Variants in ERC2 observed in about 807,000 individuals in gnomAD.
ERC2 encodes ELKS/RAB6-interacting/CAST family member 2, also known as ERC protein 2.
In ERC2, 42 loss-of-function variants were observed where a neutral mutation model predicts 114.8. The observed-to-expected ratio is 0.37, with a 90% CI of 0.29 to 0.47. ERC2 has a LOEUF of 0.47. ERC2 is among the 20% of genes least tolerant of loss of function. ERC2 has a pLI of 0.99. For synonymous variants in ERC2, 454 were observed against 425.5 expected, an observed-to-expected ratio of 1.07 and a Z score of -0.82; for missense variants, 939 against 1,150.7, an observed-to-expected ratio of 0.82 and a Z score of 2.66.
intron 2 of ERC2, among the ~76,000 whole-genome samples, chr3:56,397,563 T>C (rs756116658): frequency 6.6e-6 from 1 of 152,164 alleles, no homozygotes; most frequent in Non-Finnish European, 1.5e-5. Flanking sequence ...CATACAAACA[T>C]AGTTAACAAC....
chr3:56,363,646 A>C (rs1406738739), intron 2 of ERC2, among the ~76,000 whole-genome samples: 1 of 152,216 alleles, frequency 6.6e-6, no homozygotes, highest in African/African-American at 2.4e-5. Flanking sequence ...CACTTTAAAT[A>C]GAAAAGTATT....
At chr3:55,537,768 G>T (rs1187975087) in intron 17 of ERC2, among the ~76,000 whole-genome samples, 1 of 150,140 alleles carries the variant, frequency 6.7e-6, no homozygotes. Context: ...ACTCTGCATG[G>T]AGGACACAGG....
At chr3:55,610,596 A>AAGGCTG (rs2058871790) in intron 17 of ERC2, 1 of 152,144 alleles carries the variant, frequency 6.6e-6, no homozygotes, top group Admixed American at 6.6e-5. Flanking sequence ...AACTATCCGG[A>AAGGCTG]AGGCTGAGGC....
At position 56,434,522 on chromosome 3, in the gene ERC2, G is replaced by T; in HGVS notation, c.486C>A (p.Asp162Glu). 4 of 1,613,978 alleles carry T rather than the reference G, an allele frequency of 2.5e-6. No individual in the cohort carries two copies. Among genetic ancestry groups the T allele is most frequent in the Non-Finnish European group, 2.5e-6 (3 of 1,179,884 alleles). The change falls in exon 2 of 18, where the codon GAC becomes GAA. Residue 162 changes from aspartate (D) to glutamate (E), a missense_variant. Physicochemically the swap from Asp to Glu is conservative, Grantham distance 45. Transcript: ENST00000288221. ...TGATGTCTAGCTCTTTCCGGAGGAG[G>T]TCATTCTCTCTCTGCAGTTCTTTCA... ...AQLKELQREN[D>E]LLRKELDIKD...
At chr3:56,214,327 C>A (rs13083226) in intron 3 of ERC2, among the ~76,000 whole-genome samples, 5,924 of 140,590 alleles carry the variant, frequency 0.042, 278 homozygotes, top group Admixed American at 0.076. Flanking sequence ...AACTACAGCA[C>A]GAGAACTACG....
At chr3:55,750,890 T>C (rs571022734) in intron 14 of ERC2, among the ~76,000 whole-genome samples, 1 of 152,348 alleles carries the variant, frequency 6.6e-6, no homozygotes, top group East Asian at 1.9e-4. Context: ...CAGCAGCTTT[T>C]TATTGTGACA....
In ERC2 at chr3:56,005,281, G is replaced by A. The variant is rs75040148; in HGVS notation, c.2061+1900C>T. 5.0e-3 allele frequency among the ~76,000 whole-genome samples: 756 copies of A among 152,044 alleles called. 8 individuals carry two copies. The highest frequency in any genetic ancestry group is 0.017 in the African/African-American group (720 of 41,494). ...TATTTGTTACTTTAATTCTAGTGAC[G>A]TGGTAGAATGTTAAAATGCTGTCAG... On this transcript the variant is annotated intron_variant, in intron 10 of 17. Transcript: ENST00000288221.
chr3:56,377,799 CT>C (rs2106674488), intron 2 of ERC2, among the ~76,000 whole-genome samples: 1 of 151,986 alleles, frequency 6.6e-6, no homozygotes, highest in East Asian at 1.9e-4. Flanking sequence ...AGGAGAACCA[CT>C]TGAGCCCAGT....
intron 14 of ERC2, among the ~76,000 whole-genome samples, chr3:55,803,146 A>G (rs1007736115): frequency 8.5e-5 from 13 of 152,156 alleles, no homozygotes; most frequent in African/African-American, 1.7e-4. Context: ...AATAGCCTGC[A>G]ATTTCCAGTA....
chr3:56,060,237 T>C (rs2076190771), intron 7 of ERC2, among the ~76,000 whole-genome samples: 3 of 152,212 alleles, frequency 2.0e-5, no homozygotes, highest in African/African-American at 7.2e-5. Flanking sequence ...CATGGGCACA[T>C]GAAGATTTCT....
chr3:55,847,355 T>C (rs2061409884), intron 14 of ERC2, among the ~76,000 whole-genome samples: 1 of 152,218 alleles, frequency 6.6e-6, no homozygotes. Flanking sequence ...CCAAAGTCAC[T>C]ATTGGCAAAA....
At chr3:56,230,848 A>G (rs1302515321) in intron 3 of ERC2, among the ~76,000 whole-genome samples, 1 of 152,236 alleles carries the variant, frequency 6.6e-6, no homozygotes, top group Non-Finnish European at 1.5e-5. Context: ...TTCTCTCAGT[A>G]TCTCCAGGAC....
intron 9 of ERC2, among the ~76,000 whole-genome samples, chr3:56,007,873 T>G (rs2072621194): frequency 6.6e-6 from 1 of 152,176 alleles, no homozygotes; most frequent in South Asian, 2.1e-4. Flanking sequence ...GTAAATTTTA[T>G]GTTTGCGTCC....
chr3:55,713,850 T>C (rs2063926866), intron 15 of ERC2, among the ~76,000 whole-genome samples: 2 of 152,180 alleles, frequency 1.3e-5, no homozygotes. Flanking sequence ...AAGCTATTCA[T>C]ATACATATAA....
chr3:55,748,984 C>A (rs1437094574), intron 14 of ERC2, among the ~76,000 whole-genome samples: 4 of 152,116 alleles, frequency 2.6e-5, no homozygotes, highest in Non-Finnish European at 5.9e-5. Context: ...CATTTTAAAT[C>A]TTTATAATTT....
chr3:56,157,111 G>T (rs1030303366), intron 4 of ERC2, among the ~76,000 whole-genome samples: 2 of 152,088 alleles, frequency 1.3e-5, no homozygotes, highest in Non-Finnish European at 2.9e-5. Flanking sequence ...TTTCCCCCTG[G>T]GTAAACTGGA....
At chr3:55,871,218 T>C (rs770099371) in intron 14 of ERC2, among the ~76,000 whole-genome samples, 2 of 152,148 alleles carry the variant, frequency 1.3e-5, no homozygotes, top group Non-Finnish European at 2.9e-5. Flanking sequence ...TGGATCAACA[T>C]CTAGTACAGT....
chr3:55,883,690 C>T (rs949349279), intron 14 of ERC2, among the ~76,000 whole-genome samples: 1 of 151,938 alleles, frequency 6.6e-6, no homozygotes, highest in Admixed American at 6.6e-5. Flanking sequence ...GAGATCGAGA[C>T]CATCCTGGCT....
chr3:55,572,320 G>C lies in ERC2; in HGVS notation c.*40-61044C>G, dbSNP rs555813239. ...TGGAGAAATGCTTGTGGCCCGGCCA[G>C]CTAGAGGCACAGGAACCCAAGGGTG... is the stretch of plus-strand genomic sequence containing the variant. On this transcript the variant is annotated intron_variant, in intron 17 of 17. Coordinates refer to ENST00000288221, the MANE Select transcript of ERC2 (RefSeq NM_015576.3). Among the ~76,000 whole-genome samples, 8 of 152,302 alleles carry C rather than the reference G, an allele frequency of 5.3e-5. No individual in the cohort carries two copies. In the East Asian group the frequency reaches 1.5e-3, roughly 29 times the overall value.
Sources: gnomAD v4.1 joint callset for allele counts (sites outside exome capture counted in the v4.1 genomes callset) on GRCh38, gnomAD v4.1.1 for gene constraint, MANE v1.5 for transcripts, NCBI Gene and HGNC (gene_info 2026-07-23, HGNC 2026-07-21) for gene names.